The following DLGAP1 variants were observed in gnomAD, a reference collection of about 807,000 sequenced individuals.
The protein encoded by DLGAP1 is disks large-associated protein 1.
A neutral mutation model predicts 90.8 loss-of-function variants in DLGAP1; 11 were observed. The ratio of observed to expected loss-of-function variants is 0.12; its 90% CI spans 0.08 to 0.20. The LOEUF is 0.20. DLGAP1 is among the 10% of genes least tolerant of loss of function. The probability of loss-of-function intolerance (pLI) is 1.00; values close to 1 mark genes in which losing one functional copy is unlikely to be tolerated. For missense variants in DLGAP1, 1,050 were observed against 1,333.8 expected (o/e 0.79, Z 3.31); for synonymous variants, 558 against 540.7 (o/e 1.03, Z -0.44).
At chr18:3,672,939 C>G (rs1216443770) in intron 7 of DLGAP1, among the ~76,000 whole-genome samples, 1 of 152,170 alleles carries the variant, frequency 6.6e-6, no homozygotes. Context: ...TCTCCTCTTG[C>G]CTGTTGTATT....
At position 3,874,206 on chromosome 18, in the gene DLGAP1, T is replaced by G. The variant is rs954365243; in HGVS notation, c.957+4906A>C. 5 of 1,549,980 alleles carry G rather than the reference T, an allele frequency of 3.2e-6. No homozygotes were observed. In the African/African-American group the frequency reaches 6.8e-5, roughly 21 times the overall value. On this transcript the variant is annotated intron_variant, in intron 4 of 12. Coordinates refer to ENST00000315677, the MANE Select transcript of DLGAP1 (RefSeq NM_004746.4). The stretch of plus-strand genomic sequence containing the variant: ...TTGCACACAAACTGAAGAAACCCAC[T>G]CAGCCTTAAAAAGGTCGATCATTTT...
At chr18:3,886,421 C>T (rs544910787) in intron 3 of DLGAP1, among the ~76,000 whole-genome samples, 5 of 152,228 alleles carry the variant, frequency 3.3e-5, no homozygotes, top group African/African-American at 1.2e-4. Flanking sequence ...TTGTTACAAA[C>T]AATGCAATTA....
At chr18:3,577,015 A>G (rs2055194798) in intron 8 of DLGAP1, among the ~76,000 whole-genome samples, 2 of 151,740 alleles carry the variant, frequency 1.3e-5, no homozygotes, top group South Asian at 4.2e-4. Flanking sequence ...GGCATGCACC[A>G]CCACACCCAG....
chr18:4,038,454 G>A (rs879866847), intron 2 of DLGAP1, among the ~76,000 whole-genome samples: 9 of 152,072 alleles, frequency 5.9e-5, no homozygotes, highest in Non-Finnish European at 1.2e-4. Flanking sequence ...CCACAGAGAG[G>A]CAGGAATGAA....
chr18:4,303,638 C>T (rs1207889553), intron 1 of DLGAP1, among the ~76,000 whole-genome samples: 1 of 152,178 alleles, frequency 6.6e-6, no homozygotes, highest in Admixed American at 6.5e-5. Context: ...GGCTGGGACT[C>T]CTCCCTAACT....
chr18:4,054,821 T>C (rs919999379), intron 2 of DLGAP1, among the ~76,000 whole-genome samples: 4 of 152,196 alleles, frequency 2.6e-5, no homozygotes, highest in Non-Finnish European at 4.4e-5. Flanking sequence ...GAAAATAACA[T>C]TTTCTTCAGT....
chr18:4,023,893 C>T (rs1294518342), intron 2 of DLGAP1, among the ~76,000 whole-genome samples: 1 of 151,994 alleles, frequency 6.6e-6, no homozygotes, highest in East Asian at 1.9e-4. Context: ...TTCTATTCTG[C>T]TTAGTAGAAA....
intron 3 of DLGAP1, among the ~76,000 whole-genome samples, chr18:3,913,332 C>T (rs947456824): frequency 1.3e-5 from 2 of 152,100 alleles, no homozygotes; most frequent in Non-Finnish European, 2.9e-5. Context: ...AAGCAATGCT[C>T]CCACCTTGGC....
intron 6 of DLGAP1, among the ~76,000 whole-genome samples, chr18:3,738,803 T>C (rs1280750081): frequency 9.4e-5 from 14 of 149,096 alleles, no homozygotes; most frequent in African/African-American, 2.9e-4. Context: ...AGAGCTTCTG[T>C]ACAGCAAAAG....
chr18:3,953,993 T>A (rs2073038097), intron 3 of DLGAP1, among the ~76,000 whole-genome samples: 1 of 152,252 alleles, frequency 6.6e-6, no homozygotes, highest in African/African-American at 2.4e-5. Flanking sequence ...CGGATTGTCC[T>A]GAGGAAGGGA....
intron 3 of DLGAP1, among the ~76,000 whole-genome samples, chr18:3,881,355 A>G (rs2071163608): frequency 6.6e-6 from 1 of 152,138 alleles, no homozygotes; most frequent in Non-Finnish European, 1.5e-5. Flanking sequence ...ATTGTTAAAG[A>G]TAGAACTGGA....
chr18:3,599,918 ATT>A lies in DLGAP1; in HGVS notation c.1592-17672_1592-17671del, dbSNP rs775592401. On this transcript the variant is annotated intron_variant, in intron 7 of 12. Coordinates refer to ENST00000315677, the MANE Select transcript of DLGAP1 (RefSeq NM_004746.4). ...AGGCGTGAGCCACCATTCCCAGCCA[ATT>A]TTTTTTTTTTTTTTAAAGAGACAGG... Among the ~76,000 whole-genome samples the A allele has an allele frequency of 8.4e-5, 12 of 142,508 alleles. 1 individual carries two copies. Among genetic ancestry groups the A allele is most frequent in the African/African-American group, 3.1e-4 (12 of 38,894 alleles). 93.5% of individuals were successfully genotyped at this position (142,508 alleles called of 152,430 possible).
intron 4 of DLGAP1, among the ~76,000 whole-genome samples, chr18:3,842,430 G>C (rs1351775203): frequency 6.6e-6 from 1 of 152,090 alleles, no homozygotes; most frequent in African/African-American, 2.4e-5. Context: ...GATCATTTGG[G>C]CTATAATGTG....
chr18:3,827,046 G>A (rs2067757019), intron 4 of DLGAP1, among the ~76,000 whole-genome samples: 1 of 152,182 alleles, frequency 6.6e-6, no homozygotes, highest in African/African-American at 2.4e-5. Flanking sequence ...CCTAAAGAAG[G>A]AGTAGACTCA....
intron 2 of DLGAP1, among the ~76,000 whole-genome samples, chr18:4,119,390 A>G (rs1383198553): frequency 6.6e-6 from 1 of 152,180 alleles, no homozygotes; most frequent in African/African-American, 2.4e-5. Flanking sequence ...CACTGCACTC[A>G]GCCTATCTCA....
At chr18:4,040,764 A>G (rs1407908212) in intron 2 of DLGAP1, among the ~76,000 whole-genome samples, 1 of 152,238 alleles carries the variant, frequency 6.6e-6, no homozygotes, top group Non-Finnish European at 1.5e-5. Context: ...TGCTACAAGC[A>G]TAGGACTAGA....
At position 4,383,172 on chromosome 18, in the gene DLGAP1, C is replaced by T. The variant is rs1026406701; in HGVS notation, c.-267+71834G>A. Among the ~76,000 whole-genome samples the T allele has an allele frequency of 1.3e-5, 2 of 152,106 alleles. No homozygotes were observed. The highest frequency in any genetic ancestry group is 2.4e-5 in the African/African-American group (1 of 41,422). ...GTCCTAAGAATTACTGCATCATTAT[C>T]CAGATAGAACAAAAGCACAAACAAA... On this transcript the variant is annotated intron_variant, in intron 1 of 12. Transcript: ENST00000315677. The surrounding 1 kb of genome is among the most constrained non-coding windows in gnomAD (Gnocchi z 4.0).
Position 3,615,556 on chromosome 18 carries a change from G to A in DLGAP1, c.1592-33308C>T, listed in dbSNP as rs145552688. Among the ~76,000 whole-genome samples, 703 of 152,302 alleles carry A rather than the reference G, an allele frequency of 4.6e-3. 3 individuals carry two copies. The highest frequency in any genetic ancestry group is 0.024 in the East Asian group (123 of 5,170). On this transcript the variant is annotated intron_variant, in intron 7 of 12. Coordinates refer to ENST00000315677, the MANE Select transcript of DLGAP1 (RefSeq NM_004746.4). The stretch of plus-strand genomic sequence containing the variant: ...CCAAGGGAGATGTTGACAGCAGAGA[G>A]GGCATTGAAGCAAGTCTGGCCAGTA...
rs952390645 is a variant in DLGAP1, at chr18:3,509,449, A to C, written c.2480-788T>G. 2.6e-5 allele frequency among the ~76,000 whole-genome samples: 4 copies of C among 152,174 alleles called. 1 individual carries two copies. In the South Asian group the frequency reaches 6.2e-4, roughly 24 times the overall value. On this transcript the variant is annotated intron_variant, in intron 10 of 12. Transcript: ENST00000315677. ...CTGCAGGCGTGCTCAGACCGAGCGG[A>C]GCTGCTTTCCGCTGAGCAATGCCCA...
Sources: gnomAD v4.1 joint callset for allele counts (sites outside exome capture counted in the v4.1 genomes callset) on GRCh38, gnomAD v4.1.1 for gene constraint, Gnocchi (gnomAD v3.1) non-coding constraint, MANE v1.5 for transcripts, NCBI Gene and HGNC (gene_info 2026-07-23, HGNC 2026-07-21) for gene names.